The following TCEA3 variants were observed in gnomAD, a reference collection of about 807,000 sequenced individuals.
TCEA3 encodes transcription elongation factor A protein 3.
In TCEA3, 36 loss-of-function variants were observed where a neutral mutation model predicts 44.0. The ratio of observed to expected loss-of-function variants is 0.82; its 90% CI spans 0.63 to 1.08. The LOEUF is 1.08. TCEA3 is among the 50% of genes least tolerant of loss of function. The pLI is 0.00. For missense variants in TCEA3, 392 were observed against 441.2 expected (o/e 0.89, Z 1.00); for synonymous variants, 162 against 159.7 (o/e 1.01, Z -0.11).
At chr1:23,419,957 C>T (rs1319294747) in intron 1 of TCEA3, among the ~76,000 whole-genome samples, 3 of 152,184 alleles carry the variant, frequency 2.0e-5, no homozygotes, top group South Asian at 2.1e-4. Context: ...GGAACCCTCA[C>T]CACAATCAAG....
At chr1:23,398,442 C>T (rs1288707030) in intron 5 of TCEA3, among the ~76,000 whole-genome samples, 2 of 152,192 alleles carry the variant, frequency 1.3e-5, no homozygotes, top group Non-Finnish European at 2.9e-5. Context: ...ATTCTCCAGG[C>T]GCTTGTCAAG....
chr1:23,401,905 A>G (rs1639407848), intron 5 of TCEA3, among the ~76,000 whole-genome samples: 1 of 152,128 alleles, frequency 6.6e-6, no homozygotes. Flanking sequence ...ATGCCTGATG[A>G]TCAGAGGTGG....
At chr1:23,412,885 G>T (rs1400006416) in intron 4 of TCEA3, among the ~76,000 whole-genome samples, 1 of 152,154 alleles carries the variant, frequency 6.6e-6, no homozygotes, top group African/African-American at 2.4e-5. Context: ...TTTGTATAAT[G>T]AATTATCATT....
intron 1 of TCEA3, 32 bp downstream of exon 1, chr1:23,424,533 C>T (rs770536753): frequency 6.3e-7 from 1 of 1,584,668 alleles, no homozygotes; most frequent in East Asian, 2.3e-5. Flanking sequence ...CTCCCGGGGG[C>T]GGGGGCCGTG....
At chr1:23,417,847 T>C in intron 3 of TCEA3, 57 bp downstream of exon 3, 1 of 1,519,866 alleles carries the variant, frequency 6.6e-7, no homozygotes, top group South Asian at 1.1e-5. Flanking sequence ...CCAGGCCCAG[T>C]CCTGTCCCAA....
chr1:23,413,879 GA>G (rs1182696348), intron 4 of TCEA3, among the ~76,000 whole-genome samples: 1 of 151,454 alleles, frequency 6.6e-6, no homozygotes. Context: ...TTATGTACAT[GA>G]AAAGGTTACA....
At chr1:23,401,005 T>C (rs189617610) in intron 5 of TCEA3, among the ~76,000 whole-genome samples, 1 of 151,884 alleles carries the variant, frequency 6.6e-6, no homozygotes, top group Non-Finnish European at 1.5e-5. Flanking sequence ...GCCCAGGGAG[T>C]TGTGTCTGAG....
intron 1 of TCEA3, chr1:23,419,414 C>T (rs1011421390): frequency 8.8e-6 from 3 of 342,228 alleles, no homozygotes; most frequent in Admixed American, 4.8e-5. Flanking sequence ...ATGCCCTCCC[C>T]CTTCCCCATC....
At chr1:23,399,635 T>A (rs1444716705) in intron 5 of TCEA3, among the ~76,000 whole-genome samples, 5 of 152,042 alleles carry the variant, frequency 3.3e-5, no homozygotes, top group Non-Finnish European at 7.4e-5. Context: ...AAATCTTCTA[T>A]ACAGAATTTA....
chr1:23,419,162 G>C (rs1639983837), intron 1 of TCEA3, 23 bp from the exon 2 acceptor site: 2 of 1,576,646 alleles, frequency 1.3e-6, no homozygotes, highest in African/African-American at 2.7e-5. Context: ...ACAAGGTGAG[G>C]ACTGGGGCCT....
intron 4 of TCEA3, among the ~76,000 whole-genome samples, chr1:23,413,297 C>T (rs753095770): frequency 4.6e-5 from 7 of 151,626 alleles, no homozygotes; most frequent in African/African-American, 7.3e-5. Flanking sequence ...CCACCACGCC[C>T]GGCTAATTTT....
chr1:23,414,542 C>T (rs987500368), intron 4 of TCEA3, among the ~76,000 whole-genome samples: 7 of 151,750 alleles, frequency 4.6e-5, no homozygotes, highest in African/African-American at 1.5e-4. Flanking sequence ...GCTGGGATTA[C>T]GGGGCACCCG....
Position 23,399,144 on chromosome 1 carries a change from G to GTATATATATATA in TCEA3, c.444-1201_444-1190dup, listed in dbSNP as rs60424866. 4.0e-3 allele frequency among the ~76,000 whole-genome samples: 245 copies of GTATATATATATA among 61,062 alleles called. 16 individuals are homozygous for GTATATATATATA. Among genetic ancestry groups the GTATATATATATA allele is most frequent in the South Asian group, 6.2e-3 (11 of 1,778 alleles). 40.1% of individuals were successfully genotyped at this position (61,062 alleles called of 152,430 possible). A position where few individuals can be genotyped will look rare whatever the true frequency, so the allele number is the denominator to read the frequency against. ...GTTTTGTTTATATATATGTATATATGTATATATATATATATATATATATAT... is the reference window on the plus strand; with the variant it reads ...GTTTTGTTTATATATATGTATATATGTATATATATATATATATATATATATATATATATATAT... On this transcript the variant is annotated intron_variant, in intron 5 of 10. Transcript: ENST00000450454.
chr1:23,383,560 A>T, intron 10 of TCEA3: 1 of 974,464 alleles, frequency 1.0e-6, no homozygotes, highest in Non-Finnish European at 1.2e-6. Context: ...CATGCTCAGC[A>T]TGAGTAGGGC....
At chr1:23,382,292 G>A (rs536495597) in intron 10 of TCEA3, among the ~76,000 whole-genome samples, 128 of 152,100 alleles carry the variant, frequency 8.4e-4, no homozygotes, top group Non-Finnish European at 1.4e-3. Context: ...GTGATCCACC[G>A]GCCTCCCAAA....
At chr1:23,395,461 C>T (rs1350910811) in intron 7 of TCEA3, among the ~76,000 whole-genome samples, 1 of 152,230 alleles carries the variant, frequency 6.6e-6, no homozygotes, top group Non-Finnish European at 1.5e-5. Flanking sequence ...GTACCCTCCC[C>T]CTGACCTCCA....
chr1:23,385,292 G>A (rs181490274), intron 9 of TCEA3, among the ~76,000 whole-genome samples: 15 of 152,274 alleles, frequency 9.9e-5, no homozygotes, highest in African/African-American at 2.9e-4. Flanking sequence ...AGTTATGCCC[G>A]CCACCCTCCT....
chr1:23,399,176 A>ATATATATC (rs1392964847), intron 5 of TCEA3, among the ~76,000 whole-genome samples: 4 of 141,920 alleles, frequency 2.8e-5, no homozygotes, highest in East Asian at 2.0e-4. Flanking sequence ...ATATATATAT[A>ATATATATC]TATCCATATG....
At chr1:23,398,067 A>T in intron 5 of TCEA3, 112 bp from the exon 6 acceptor site, 1 of 1,319,426 alleles carries the variant, frequency 7.6e-7, no homozygotes, top group Non-Finnish European at 1.0e-6. Context: ...TAACAACCTC[A>T]TGAGGTAGGT....
Sources: allele counts gnomAD v4.1 joint callset (sites outside exome capture counted in the v4.1 genomes callset), GRCh38; gene constraint gnomAD v4.1.1; transcripts MANE v1.5; gene names NCBI Gene and HGNC (gene_info 2026-07-23, HGNC 2026-07-21).